Variants in COL13A1 observed in about 807,000 individuals in gnomAD.
COL13A1 encodes the protein collagen type XIII alpha 1 chain, also known as collagen alpha-1(XIII) chain.
A neutral mutation model predicts 130.9 loss-of-function variants in COL13A1; 89 were observed. The ratio of observed to expected loss-of-function variants is 0.68; its 90% CI spans 0.57 to 0.81. COL13A1 has a LOEUF of 0.81. COL13A1 is among the 30% of genes least tolerant of loss of function. The pLI is 0.00. For missense variants in COL13A1, 879 were observed against 934.6 expected, an observed-to-expected ratio of 0.94 and a Z score of 0.78; for synonymous variants, 402 against 341.6, an observed-to-expected ratio of 1.18 and a Z score of -1.95.
intron 23 of COL13A1, 61 bp from the exon 24 acceptor site, chr10:69,923,741 C>G: frequency 6.4e-7 from 1 of 1,569,616 alleles, no homozygotes; most frequent in East Asian, 2.4e-5. Context: ...CATCTTTTCC[C>G]TCATAAGCAG....
At chr10:69,943,449 T>A (rs917128136) in intron 35 of COL13A1, among the ~76,000 whole-genome samples, 3 of 152,206 alleles carry the variant, frequency 2.0e-5, no homozygotes, top group African/African-American at 2.4e-5. Context: ...TGATGCTCCA[T>A]GTCTAAGCCG....
chr10:69,924,549 C>T (rs1033222028), intron 24 of COL13A1, among the ~76,000 whole-genome samples: 2 of 151,656 alleles, frequency 1.3e-5, no homozygotes, highest in Non-Finnish European at 2.9e-5. Context: ...AGCAAAAGAA[C>T]TGTGTGGGCT....
Position 69,889,630 on chromosome 10 carries a change from G to A in COL13A1, c.603+190G>A, listed in dbSNP as rs79306325. ...ATATGCAGGGAGGAGAAATGGGCAG[G>A]GGCTTCTCCATCTGAAGCATGAGGA... On this transcript the variant is annotated intron_variant, in intron 10 of 40. Transcript: ENST00000645393. 1.8e-3 allele frequency among the ~76,000 whole-genome samples: 279 copies of A among 152,298 alleles called. 1 individual carries two copies. Among genetic ancestry groups the A allele is most frequent in the African/African-American group, 6.5e-3 (271 of 41,564 alleles).
intron 7 of COL13A1, 87 bp downstream of exon 7, chr10:69,880,640 G>A (rs536935833): frequency 1.5e-5 from 21 of 1,400,746 alleles, no homozygotes; most frequent in South Asian, 3.6e-5. Flanking sequence ...AGGGGACAGC[G>A]AGGGCGGCTG....
chr10:69,861,696 T>C (rs1168591200), intron 2 of COL13A1, among the ~76,000 whole-genome samples: 2 of 152,226 alleles, frequency 1.3e-5, no homozygotes, highest in African/African-American at 4.8e-5. Context: ...TTCCATATCA[T>C]GTGCCAATTT....
intron 10 of COL13A1, among the ~76,000 whole-genome samples, chr10:69,892,195 G>A (rs972811692): frequency 6.6e-6 from 1 of 152,140 alleles, no homozygotes; most frequent in African/African-American, 2.4e-5. Context: ...GCTTGGCATG[G>A]GTACCCGAGC....
chr10:69,916,483 C>T (rs1050538956), intron 17 of COL13A1, among the ~76,000 whole-genome samples: 2 of 152,248 alleles, frequency 1.3e-5, no homozygotes, highest in African/African-American at 4.8e-5. Context: ...TCCTGACTCA[C>T]CTGCTCTTGG....
chr10:69,815,092 A>T (rs1175869716), intron 1 of COL13A1, among the ~76,000 whole-genome samples: 3 of 152,162 alleles, frequency 2.0e-5, no homozygotes, highest in Admixed American at 6.5e-5. Flanking sequence ...GTGGTGGGTC[A>T]TATCCCTATT....
intron 2 of COL13A1, among the ~76,000 whole-genome samples, chr10:69,829,721 G>C (rs901830060): frequency 6.6e-6 from 1 of 152,262 alleles, no homozygotes; most frequent in African/African-American, 2.4e-5. Context: ...CCCTCATGGG[G>C]TGGAGGGTCA....
At position 69,852,133 on chromosome 10, in the gene COL13A1, G is replaced by A. The variant is rs180794146; in HGVS notation, c.365-15665G>A. Among the ~76,000 whole-genome samples, 172 of 152,162 alleles carry A rather than the reference G, an allele frequency of 1.1e-3. 1 individual carries two copies. The highest frequency in any genetic ancestry group is 8.1e-3 in the East Asian group (42 of 5,176). On this transcript the variant is annotated intron_variant, in intron 2 of 40. Transcript: ENST00000645393. Reference sequence around the variant, plus strand: ...GCCGCCTCTTCATTATCTAGGTTTCGACTCCAACACCACCTCCTCAGAAAG... The same window carrying A: ...GCCGCCTCTTCATTATCTAGGTTTCAACTCCAACACCACCTCCTCAGAAAG...
rs535986882 is a variant in COL13A1 at position 69,930,376 on chromosome 10, A to T, written c.1531-24A>T. On this transcript the variant is annotated intron_variant, in intron 29 of 40. Transcript: ENST00000645393. Reference sequence around the variant, plus strand: ...TCTTTTCTCCATTAATGTGTCTAAGAAGCGTTTTTGGTATTTTCTAAAGGG... The same window carrying T: ...TCTTTTCTCCATTAATGTGTCTAAGTAGCGTTTTTGGTATTTTCTAAAGGG... The T allele has an allele frequency of 5.0e-5, 80 of 1,590,356 alleles. No homozygotes were observed. In the South Asian group the frequency reaches 8.3e-4, roughly 17 times the overall value.
chr10:69,926,178 C>T (rs1489910134), intron 26 of COL13A1, among the ~76,000 whole-genome samples: 13 of 152,244 alleles, frequency 8.5e-5, no homozygotes, highest in African/African-American at 1.9e-4. Context: ...CCACAAGTTA[C>T]GGCCCATGCA....
chr10:69,871,276 C>T (rs1007477725), intron 3 of COL13A1, among the ~76,000 whole-genome samples: 8 of 152,074 alleles, frequency 5.3e-5, no homozygotes, highest in Non-Finnish European at 1.0e-4. Flanking sequence ...TCCTGGTATC[C>T]GCAGGCAGAT....
At chr10:69,897,323 G>T (rs554994418) in intron 13 of COL13A1, among the ~76,000 whole-genome samples, 10 of 152,222 alleles carry the variant, frequency 6.6e-5, no homozygotes, top group African/African-American at 2.4e-4. Flanking sequence ...AAGACACCAA[G>T]AAATCCAGGT....
intron 9 of COL13A1, 58 bp from the exon 10 acceptor site, chr10:69,889,356 G>C: frequency 6.3e-7 from 1 of 1,581,322 alleles, no homozygotes; most frequent in Non-Finnish European, 8.6e-7. Flanking sequence ...GAAGGACAGA[G>C]GGTGGAACTT....
chr10:69,947,491 C>T (rs976821398), intron 38 of COL13A1, 149 bp downstream of exon 38: 11 of 725,530 alleles, frequency 1.5e-5, no homozygotes, highest in African/African-American at 3.6e-5. Flanking sequence ...AGGGCCTTAA[C>T]CTGTGGCATG....
chr10:69,861,245 T>A (rs1051677058), intron 2 of COL13A1, among the ~76,000 whole-genome samples: 3 of 152,190 alleles, frequency 2.0e-5, no homozygotes, highest in Non-Finnish European at 4.4e-5. Context: ...CCCGCCAGGC[T>A]GCCAGGTGTG....
intron 14 of COL13A1, 68 bp downstream of exon 14, chr10:69,898,830 G>T: frequency 1.6e-6 from 2 of 1,264,808 alleles, no homozygotes; most frequent in Non-Finnish European, 2.2e-6. Context: ...TGCTGGGGCT[G>T]CAGACAAAGC....
intron 1 of COL13A1, among the ~76,000 whole-genome samples, chr10:69,804,175 C>A (rs552257496): frequency 1.3e-5 from 2 of 151,796 alleles, no homozygotes; most frequent in Admixed American, 6.6e-5. Context: ...CAGAATGAGC[C>A]CAGACTGGCT....
Sources: gnomAD v4.1 joint callset for allele counts (sites outside exome capture counted in the v4.1 genomes callset) on GRCh38, gnomAD v4.1.1 for gene constraint, MANE v1.5 for transcripts, NCBI Gene and HGNC (gene_info 2026-07-23, HGNC 2026-07-21) for gene names.